SETDB1: variants seen among roughly 807,000 people sequenced by gnomAD.
SETDB1 encodes the protein SET domain bifurcated histone lysine methyltransferase 1, also known as histone-lysine N-methyltransferase SETDB1.
Under a neutral mutation model 137.4 loss-of-function variants are expected in SETDB1, and 31 were observed. The observed-to-expected ratio is 0.23, with a 90% confidence interval of 0.17 to 0.30. The LOEUF is 0.30. Among genes scored for constraint, SETDB1 ranks in the 10% least tolerant of loss-of-function variants. The probability of loss-of-function intolerance (pLI) is 1.00; values close to 1 mark genes in which losing one functional copy is unlikely to be tolerated. For missense variants in SETDB1, 1,113 were observed against 1,631.5 expected, an observed-to-expected ratio of 0.68 and a Z score of 5.47; for synonymous variants, 548 against 579.9, an observed-to-expected ratio of 0.95 and a Z score of 0.79.
intron 4 of SETDB1, among the ~76,000 whole-genome samples, chr1:150,940,782 G>A (rs1426832733): frequency 1.3e-5 from 2 of 151,836 alleles, no homozygotes; most frequent in East Asian, 1.9e-4. Flanking sequence ...GGTGGAACAC[G>A]AGGTCAGGAG....
rs768321970 is a variant in SETDB1, at chr1:150,950,595, A to T, written c.1721A>T (p.Tyr574Phe). 1 of 1,614,106 alleles carries T rather than the reference A, an allele frequency of 6.2e-7. No individual in the cohort carries two copies. Among genetic ancestry groups the T allele is most frequent in the Non-Finnish European group, 8.5e-7 (1 of 1,180,034 alleles). Reference sequence around the variant, plus strand: ...CGTGCTCCCATGGAGAAGCTTTTCTACTTACCTCATGTCTGCAGCTATACC... The same window carrying T: ...CGTGCTCCCATGGAGAAGCTTTTCTTCTTACCTCATGTCTGCAGCTATACC... ...SYRAPMEKLF[Y>F]LPHVCSYTCL... Residue 574 changes from tyrosine (Y) to phenylalanine (F), a missense_variant, in exon 13 of 22, where the codon TAC becomes TTC. Transcript: ENST00000692827.
chr1:150,960,509 A>G (rs1670787597), intron 15 of SETDB1, 54 bp from the exon 16 acceptor site: 3 of 1,486,870 alleles, frequency 2.0e-6, no homozygotes, highest in East Asian at 4.7e-5. Context: ...AACAAAAAAA[A>G]AAACTAATAG....
intron 6 of SETDB1, 67 bp downstream of exon 6, chr1:150,942,755 T>A: frequency 6.3e-7 from 1 of 1,598,256 alleles, no homozygotes; most frequent in Non-Finnish European, 8.5e-7. Context: ...GATTGTTTCT[T>A]TTCCCCATAA....
intron 14 of SETDB1, among the ~76,000 whole-genome samples, chr1:150,955,083 A>G (rs1558023973): frequency 6.6e-6 from 1 of 152,198 alleles, no homozygotes; most frequent in African/African-American, 2.4e-5. Context: ...AGATCATAGG[A>G]TGAATTTGTA....
intron 1 of SETDB1, chr1:150,926,776 G>C: frequency 1.9e-6 from 1 of 533,416 alleles, no homozygotes; most frequent in East Asian, 5.4e-5. Context: ...CAGTTCACAC[G>C]AATGTGTGAA....
intron 3 of SETDB1, 153 bp downstream of exon 3, chr1:150,930,271 CA>C (rs757888516): frequency 4.8e-6 from 3 of 622,786 alleles, no homozygotes; most frequent in Non-Finnish European, 8.3e-6. Context: ...AAAAATGCAA[CA>C]TTGTTAGTAT....
At chr1:150,962,004 C>T in intron 16 of SETDB1, 126 bp from the exon 17 acceptor site, 1 of 1,126,066 alleles carries the variant, frequency 8.9e-7, no homozygotes, top group Non-Finnish European at 1.4e-6. Context: ...GTGGTTTACC[C>T]ACCCCACTTT....
At chr1:150,949,697 T>A (rs1670440761) in intron 12 of SETDB1, among the ~76,000 whole-genome samples, 172 bp downstream of exon 12, 1 of 152,194 alleles carries the variant, frequency 6.6e-6, no homozygotes, top group African/African-American at 2.4e-5. Context: ...AAAGTAAGAA[T>A]AATTGAATTG....
intron 14 of SETDB1, among the ~76,000 whole-genome samples, chr1:150,956,691 A>G (rs1670651354): frequency 6.6e-6 from 1 of 151,496 alleles, no homozygotes; most frequent in Admixed American, 6.6e-5. Context: ...TGTGTATATT[A>G]CGTTTCAATA....
chr1:150,928,863 C>G (rs1311239079), intron 2 of SETDB1, among the ~76,000 whole-genome samples: 3 of 151,890 alleles, frequency 2.0e-5, no homozygotes, highest in African/African-American at 7.3e-5. Flanking sequence ...TCTGTCCTTG[C>G]TATAGTTTGC....
chr1:150,950,314 A>G (rs1670459679), intron 12 of SETDB1, 144 bp from the exon 13 acceptor site: 2 of 699,320 alleles, frequency 2.9e-6, no homozygotes, highest in Admixed American at 2.7e-5. Flanking sequence ...TGGTAGGGCA[A>G]GGGAAGATCT....
chr1:150,951,246 G>A (rs587754689), intron 13 of SETDB1, 119 bp from the exon 14 acceptor site: 2 of 1,112,530 alleles, frequency 1.8e-6, no homozygotes, highest in Non-Finnish European at 2.7e-6. Flanking sequence ...TGAAAGCTAT[G>A]AGGTAGGGAG....
chr1:150,942,679 C>T lies in SETDB1; in HGVS notation c.664C>T (p.Gln222Ter). The change falls in exon 6 of 22, where the codon CAG (glutamine) becomes TAG (stop). Residue 222 changes from glutamine to a stop codon, truncating the protein, a stop_gained. Coordinates refer to ENST00000692827, the MANE Select transcript of SETDB1 (RefSeq NM_001366418.1). LOFTEE classifies it high-confidence loss of function. ...TWHKGTLIAI[Q>*]TVGPGKKYKV... ...GCACAAAGGCACCCTTATTGCCATCCAGACAGTTGGTATGTGCAAACTTGG... is the reference window on the plus strand; with the variant it reads ...GCACAAAGGCACCCTTATTGCCATCTAGACAGTTGGTATGTGCAAACTTGG... 6.2e-7 allele frequency: 1 copy of T among 1,612,344 alleles called. No individual in the cohort carries two copies. Among genetic ancestry groups the T allele is most frequent in the Non-Finnish European group, 8.5e-7 (1 of 1,179,304 alleles).
rs1558026074 is a variant in SETDB1, at chr1:150,959,335, T to G, written c.2491T>G (p.Cys831Gly). The G allele has an allele frequency of 6.2e-7, 1 of 1,604,826 alleles. No individual in the cohort carries two copies. Among genetic ancestry groups the G allele is most frequent in the Non-Finnish European group, 8.5e-7 (1 of 1,176,884 alleles). ...LDDIAKGSFV[C>G]IYAGKILTDD... Reference sequence around the variant, plus strand: ...TGACATTGCCAAAGGCTCTTTTGTTTGTATTTATGCAGGTTGGTGATAAAA... The same window carrying G: ...TGACATTGCCAAAGGCTCTTTTGTTGGTATTTATGCAGGTTGGTGATAAAA... Residue 831 changes from cysteine to glycine, a missense_variant, in exon 15 of 22, where the codon TGT becomes GGT. By Grantham distance (159) the Cys-to-Gly change is radical (BLOSUM62 -3). This residue lies in a region of SETDB1 where 25 missense variants were observed against 102.1 expected (regional missense o/e 0.24). Transcript: ENST00000692827.
chr1:150,933,393 T>C (rs1219038155), intron 3 of SETDB1, among the ~76,000 whole-genome samples: 1 of 147,204 alleles, frequency 6.8e-6, no homozygotes, highest in East Asian at 2.0e-4. Context: ...TTTGAGACAG[T>C]CTTGCTCCAT....
At chr1:150,933,779 C>CTTTTTCT (rs1669855176) in intron 3 of SETDB1, among the ~76,000 whole-genome samples, 5 of 20,104 alleles carry the variant, frequency 2.5e-4, no homozygotes, top group African/African-American at 4.5e-4. Context: ...TTTTCTTTTT[C>CTTTTTCT]TTTTTTTTTT....
intron 9 of SETDB1, 75 bp from the exon 10 acceptor site, chr1:150,946,811 A>G: frequency 2.0e-6 from 3 of 1,538,418 alleles, no homozygotes; most frequent in Non-Finnish European, 1.8e-6. Flanking sequence ...CACATGGTAT[A>G]TATCCTCTAC....
chr1:150,960,805 G>T lies in SETDB1; in HGVS notation c.2746G>T (p.Asp916Tyr). Reference protein sequence around the residue: ...SSDDNFCKDEDFSTSSVWRSY... With the variant: ...SSDDNFCKDEYFSTSSVWRSY... ...AGATGATAACTTCTGTAAGGATGAG[G>T]ACTTCAGCACCAGTTCAGTGTGGCG... Residue 916 changes from aspartate (D) to tyrosine (Y), a missense_variant, in exon 16 of 22, where the codon GAC becomes TAC. Asp to Tyr is a radical substitution (Grantham distance 160, BLOSUM62 -3). Transcript: ENST00000692827. The T allele has an allele frequency of 6.2e-7, 1 of 1,608,376 alleles. No homozygotes were observed. The highest frequency in any genetic ancestry group is 8.5e-7 in the Non-Finnish European group (1 of 1,177,382).
chr1:150,961,809 A>C (rs1286893836), intron 16 of SETDB1: 1 of 343,234 alleles, frequency 2.9e-6, no homozygotes, highest in Non-Finnish European at 5.4e-6. Flanking sequence ...TAAAGTAGAG[A>C]AACAAGAATT....
Sources: gnomAD v4.1 joint callset for allele counts (sites outside exome capture counted in the v4.1 genomes callset) on GRCh38, gnomAD v4.1.1 for gene constraint, gnomAD v4.1.1 regional missense constraint, MANE v1.5 for transcripts, NCBI Gene and HGNC (gene_info 2026-07-23, HGNC 2026-07-21) for gene names.